Variants in ERC1 observed in about 807,000 individuals in gnomAD.
ERC1 encodes ELKS/RAB6-interacting/CAST family member 1.
ERC1 carries 56 observed loss-of-function variants against 132.0 expected under a neutral mutation model. That is an observed-to-expected ratio of 0.42 (90% CI 0.34 to 0.53). The LOEUF (loss-of-function observed/expected upper bound fraction) is 0.53, where lower values mean the gene tolerates loss of function less well. ERC1 is among the 20% of genes least tolerant of loss of function. The pLI is 0.03. For missense variants in ERC1, 1,202 were observed against 1,349.9 expected (o/e 0.89, Z 1.72); for synonymous variants, 478 against 476.1 (o/e 1.00, Z -0.05).
At chr12:1,385,494 C>T (rs978270755) in intron 16 of ERC1, among the ~76,000 whole-genome samples, 21 of 152,128 alleles carry the variant, frequency 1.4e-4, no homozygotes, top group Middle Eastern at 3.2e-3. Flanking sequence ...CCGTGTTAGC[C>T]AGGATGGTCT....
chr12:1,138,029 ATAAT>A (rs1949445979), intron 7 of ERC1, among the ~76,000 whole-genome samples: 2 of 125,634 alleles, frequency 1.6e-5, no homozygotes, highest in African/African-American at 3.1e-5. Context: ...TATATATTAT[ATAAT>A]TATATATAAA....
At chr12:1,118,150 A>C (rs1026732525) in intron 7 of ERC1, among the ~76,000 whole-genome samples, 2 of 152,216 alleles carry the variant, frequency 1.3e-5, no homozygotes, top group African/African-American at 4.8e-5. Context: ...GAGTGCATGC[A>C]ATACAGCAAA....
chr12:1,058,463 A>G (rs1291513448), intron 2 of ERC1, among the ~76,000 whole-genome samples: 1 of 152,112 alleles, frequency 6.6e-6, no homozygotes, highest in African/African-American at 2.4e-5. Flanking sequence ...CCTTTTCCCA[A>G]AGTATGGTTT....
chr12:1,412,542 C>T (rs761373786), intron 17 of ERC1, among the ~76,000 whole-genome samples: 1 of 152,126 alleles, frequency 6.6e-6, no homozygotes. Context: ...GGACAAGGTA[C>T]GTCATTGCGC....
At chr12:1,299,715 G>T (rs1468653222) in intron 15 of ERC1, among the ~76,000 whole-genome samples, 1 of 151,636 alleles carries the variant, frequency 6.6e-6, no homozygotes, top group Non-Finnish European at 1.5e-5. Flanking sequence ...GTTCTTTAAA[G>T]AATTAAAAAA....
At chr12:1,238,732 A>T in intron 13 of ERC1, among the ~76,000 whole-genome samples, 1 of 152,168 alleles carries the variant, frequency 6.6e-6, no homozygotes, top group East Asian at 1.9e-4. Flanking sequence ...GTTTTCTATT[A>T]GCAGTCTCTC....
chr12:1,091,309 G>T (rs952321733), intron 3 of ERC1, among the ~76,000 whole-genome samples: 3 of 152,192 alleles, frequency 2.0e-5, no homozygotes, highest in African/African-American at 7.2e-5. Context: ...ATTAAGTTGG[G>T]AAGGGGATTT....
intron 18 of ERC1, among the ~76,000 whole-genome samples, chr12:1,479,115 C>T (rs1592301994): frequency 1.3e-5 from 2 of 152,104 alleles, no homozygotes; most frequent in Admixed American, 6.5e-5. Context: ...AGGGTTTTTC[C>T]GTGTTCTCTT....
chr12:1,285,861 G>A (rs1361272066), intron 14 of ERC1, among the ~76,000 whole-genome samples: 1 of 152,172 alleles, frequency 6.6e-6, no homozygotes, highest in African/African-American at 2.4e-5. Context: ...GCTTAGGCCT[G>A]TCTCAATCCT....
chr12:1,261,440 G>A (rs537329553), intron 13 of ERC1, among the ~76,000 whole-genome samples: 67 of 152,290 alleles, frequency 4.4e-4, no homozygotes, highest in Non-Finnish European at 8.1e-4. Context: ...TCATTCATTA[G>A]AGGGTTTGAG....
intron 6 of ERC1, among the ~76,000 whole-genome samples, chr12:1,114,809 AAG>A (rs1946278158): frequency 6.6e-6 from 1 of 152,076 alleles, no homozygotes; most frequent in Non-Finnish European, 1.5e-5. Flanking sequence ...TATCTCTAAA[AAG>A]AGATTTTATG....
chr12:1,485,449 C>T (rs1008458976), intron 18 of ERC1, among the ~76,000 whole-genome samples: 1 of 151,816 alleles, frequency 6.6e-6, no homozygotes, highest in Non-Finnish European at 1.5e-5. Flanking sequence ...GTGATCTGCC[C>T]ACCTTGGCCT....
At chr12:1,403,193 C>T (rs552921011) in intron 16 of ERC1, among the ~76,000 whole-genome samples, 1 of 152,144 alleles carries the variant, frequency 6.6e-6, no homozygotes, top group Non-Finnish European at 1.5e-5. Context: ...AAGTTTCTTC[C>T]TTCTTCCCTT....
chr12:1,203,312 C>T (rs1379759017), intron 12 of ERC1, among the ~76,000 whole-genome samples: 1 of 152,200 alleles, frequency 6.6e-6, no homozygotes, highest in African/African-American at 2.4e-5. Flanking sequence ...CTTGCCTCGG[C>T]CTCCCAAAGT....
chr12:1,201,007 T>C (rs543473328), intron 12 of ERC1, among the ~76,000 whole-genome samples: 57 of 152,364 alleles, frequency 3.7e-4, no homozygotes, highest in African/African-American at 1.3e-3. Flanking sequence ...CATGTACATG[T>C]TTATATATGC....
At chr12:1,209,680 A>AT (rs1391315285) in intron 12 of ERC1, among the ~76,000 whole-genome samples, 4 of 152,154 alleles carry the variant, frequency 2.6e-5, no homozygotes, top group African/African-American at 9.7e-5. Flanking sequence ...TAGAGTTCTT[A>AT]TTTGATGGAT....
chr12:1,067,935 T>C (rs1052360658), intron 2 of ERC1, among the ~76,000 whole-genome samples: 9 of 150,908 alleles, frequency 6.0e-5, no homozygotes, highest in Admixed American at 2.6e-4. Context: ...GCTTTTTTTT[T>C]TTTTTTTTTT....
chr12:1,429,671 A>G (rs1396373315), intron 17 of ERC1, among the ~76,000 whole-genome samples: 1 of 152,228 alleles, frequency 6.6e-6, no homozygotes, highest in African/African-American at 2.4e-5. Flanking sequence ...AAAATTATAC[A>G]AGATGCAATA....
intron 8 of ERC1, among the ~76,000 whole-genome samples, chr12:1,170,331 A>G (rs1171397832): frequency 2.0e-5 from 3 of 152,216 alleles, no homozygotes; most frequent in East Asian, 1.9e-4. Context: ...TTACAATACA[A>G]TGGATTTTTT....
Sources: gnomAD v4.1 joint callset for allele counts (sites outside exome capture counted in the v4.1 genomes callset) on GRCh38, gnomAD v4.1.1 for gene constraint, MANE v1.5 for transcripts, NCBI Gene and HGNC (gene_info 2026-07-23, HGNC 2026-07-21) for gene names.